TRIM45: variants seen among roughly 807,000 people sequenced by gnomAD.
The protein encoded by TRIM45 is tripartite motif containing 45, also known as E3 ubiquitin-protein ligase TRIM45.
A neutral mutation model predicts 46.7 loss-of-function variants in TRIM45; 45 were observed. That is an observed-to-expected ratio of 0.96 (90% CI 0.76 to 1.24). TRIM45 has a LOEUF of 1.24. Among genes scored for constraint, TRIM45 ranks in the 50% most tolerant of loss-of-function variants. TRIM45 has a pLI of 0.00. For missense variants in TRIM45, 680 were observed against 728.4 expected, an observed-to-expected ratio of 0.93 and a Z score of 0.77; for synonymous variants, 259 against 285.8, an observed-to-expected ratio of 0.91 and a Z score of 0.94.
chr1:117,116,592 G>T lies in TRIM45; in HGVS notation c.1352+24C>A. On this transcript the variant is annotated intron_variant, in intron 3 of 5. Coordinates refer to ENST00000256649, the MANE Select transcript of TRIM45 (RefSeq NM_025188.4). This position sits in a 1 kb window ranked among gnomAD's most constrained non-coding sequence, Gnocchi z 4.6. ...AGTTTTCTCACTGCCTGTTATCCAT[G>T]ACACCTAATTGTGTCATACAAACCT... 2 of 1,611,324 alleles carry T rather than the reference G, an allele frequency of 1.2e-6. No individual in the cohort carries two copies. The highest frequency in any genetic ancestry group is 2.2e-5 in the South Asian group (2 of 90,884).
rs1021217975 is a variant in TRIM45, at chr1:117,113,422, A to G, written c.1531T>C (p.Cys511Arg). 3.1e-6 allele frequency: 5 copies of G among 1,612,452 alleles called. No homozygotes were observed. Among genetic ancestry groups the G allele is most frequent in the East Asian group, 2.2e-5 (1 of 44,900 alleles). Residue 511 changes from cysteine (C) to arginine (R), a missense_variant, in exon 5 of 6, where the codon TGC becomes CGC. Coordinates refer to ENST00000256649, the MANE Select transcript of TRIM45 (RefSeq NM_025188.4). The surrounding 1 kb of genome is among the most constrained non-coding windows in gnomAD (Gnocchi z 4.0). ...TGGCCCCCGCTGGAGCAGAAGGTGC[A>G]GCAGTGAAACACGCCTGAGTGTGGG... is the stretch of plus-strand genomic sequence containing the variant. Reference protein sequence around the residue: ...HRPHSGVFHCCTFCSSGGQKT... With the variant: ...HRPHSGVFHCRTFCSSGGQKT...
Position 117,117,940 on chromosome 1 carries a change from T to C in TRIM45, c.1222+94A>G. The C allele has an allele frequency of 6.7e-7, 1 of 1,484,546 alleles. No homozygotes were observed. The highest frequency in any genetic ancestry group is 1.3e-5 in the South Asian group (1 of 76,540). 92.0% of individuals were successfully genotyped at this position (1,484,546 alleles called of 1,614,324 possible). On this transcript the variant is annotated intron_variant, in intron 2 of 5. Coordinates refer to ENST00000256649, the MANE Select transcript of TRIM45 (RefSeq NM_025188.4). This position sits in a 1 kb window ranked among gnomAD's most constrained non-coding sequence, Gnocchi z 4.9. ...TCCCCACCTTTGGTAACCTGGTCAG[T>C]AGGGCATGCTTCCTAGCAGAACAAG... is the stretch of plus-strand genomic sequence containing the variant.
rs1337558219 is a variant in TRIM45, at chr1:117,118,551, C to T, written c.705G>A (p.Gly235=). ...DFTSNVIHKH[G]DSVWELLKGT... ...CTTTGAGGAGCTCCCACACAGAGTC[C>T]CCATGCTTGTGGATGACATTGCTGG... Residue 235 remains glycine (G), a synonymous_variant, in exon 2 of 6, where the codon GGG becomes GGA. Transcript: ENST00000256649. This position sits in a 1 kb window ranked among gnomAD's most constrained non-coding sequence, Gnocchi z 5.7. 6.2e-7 allele frequency: 1 copy of T among 1,614,196 alleles called. No homozygotes were observed. Among genetic ancestry groups the T allele is most frequent in the Admixed American group, 1.7e-5 (1 of 60,028 alleles).
Position 117,120,905 on chromosome 1 carries a change from A to G in TRIM45, c.297T>C (p.Ala99=), listed in dbSNP as rs777530579. 6.2e-7 allele frequency: 1 copy of G among 1,614,200 alleles called. No individual in the cohort carries two copies. The highest frequency in any genetic ancestry group is 8.5e-7 in the Non-Finnish European group (1 of 1,180,028). Residue 99 remains alanine (A), a synonymous_variant, in exon 1 of 6, where the codon GCT becomes GCC. Transcript: ENST00000256649. ...QIGILCPVCD[A]QVDLPMGGVK... is the part of the protein sequence containing the mutation. ...CTCCACCCATGGGCAGGTCCACCTG[A>G]GCATCACATACAGGACAAAGGATGC...
chr1:117,121,117 A>G lies in TRIM45; in HGVS notation c.85T>C (p.Cys29Arg), dbSNP rs137953739. ...TALGNSGKTH[C>R]PLCLGLFKAP... ...TTGAAAAGCCCCAAGCACAGGGGGC[A>G]GTGAGTCTTGCCTGAGTTCCCAAGT... Residue 29 changes from cysteine (C) to arginine (R), a missense_variant, in exon 1 of 6, where the codon TGC becomes CGC. By Grantham distance (180) the Cys-to-Arg change is radical (BLOSUM62 -3). Transcript: ENST00000256649. The surrounding 1 kb of genome is among the most constrained non-coding windows in gnomAD (Gnocchi z 4.2). 138 of 1,612,872 alleles carry G rather than the reference A, an allele frequency of 8.6e-5. No individual in the cohort carries two copies. The highest frequency in any genetic ancestry group is 1.1e-4 in the Non-Finnish European group (132 of 1,179,458).
Position 117,119,609 on chromosome 1 carries a change from G to GA in TRIM45, c.489-843dup, listed in dbSNP as rs200320074. Among the ~76,000 whole-genome samples, 825 of 132,756 alleles carry GA rather than the reference G, an allele frequency of 6.2e-3. 3 individuals carry two copies. Among genetic ancestry groups the GA allele is most frequent in the African/African-American group, 0.016 (590 of 36,070 alleles). The allele number at this position is 132,756 out of a possible 152,430, so 87.1% of individuals were successfully genotyped here. A position where few individuals can be genotyped will look rare whatever the true frequency, so the allele number is the denominator to read the frequency against. On this transcript the variant is annotated intron_variant, in intron 1 of 5. Coordinates refer to ENST00000256649, the MANE Select transcript of TRIM45 (RefSeq NM_025188.4). ...GCGACTAGAGCCAGACTCCATCTCAGAAAAAAAAAAAAAGAGAAAAGAAAG... is the reference window on the plus strand; with the variant it reads ...GCGACTAGAGCCAGACTCCATCTCAGAAAAAAAAAAAAAAGAGAAAAGAAAG...
chr1:117,120,756 G>A lies in TRIM45; in HGVS notation c.446C>T (p.Thr149Ile), dbSNP rs2101357315. 1 of 1,613,546 alleles carries A rather than the reference G, an allele frequency of 6.2e-7. No individual in the cohort carries two copies. Among genetic ancestry groups the A allele is most frequent in the Non-Finnish European group, 8.5e-7 (1 of 1,179,660 alleles). ...GAAGTGGCAGAGGTTGGCTTTGCAG[G>A]TCTGACACCTCTTCTCTACTTCCCT... ...NDREVEKRCQ[T>I]CKANLCHFCC... The change falls in exon 1 of 6, where the codon ACC (threonine) becomes ATC (isoleucine). Residue 149 changes from threonine to isoleucine, a missense_variant. This residue lies in a region of TRIM45 where 349 missense variants were observed against 343.6 expected (regional missense o/e 1.02). Coordinates refer to ENST00000256649, the MANE Select transcript of TRIM45 (RefSeq NM_025188.4).
rs756999092 is a variant in TRIM45 at position 117,117,987 on chromosome 1, C to A, written c.1222+47G>T. 1 of 1,578,930 alleles carries A rather than the reference C, an allele frequency of 6.3e-7. No homozygotes were observed. The highest frequency in any genetic ancestry group is 1.2e-5 in the South Asian group (1 of 83,216). On this transcript the variant is annotated intron_variant, in intron 2 of 5. Coordinates refer to ENST00000256649, the MANE Select transcript of TRIM45 (RefSeq NM_025188.4). The surrounding 1 kb of genome is among the most constrained non-coding windows in gnomAD (Gnocchi z 4.9). ...CAAGCCACCAATCTTCACACACCACCTCCCTGTCCACTGCCCTCTCAATGT... is the reference window on the plus strand; with the variant it reads ...CAAGCCACCAATCTTCACACACCACATCCCTGTCCACTGCCCTCTCAATGT...
At chr1:117,120,576 T>C in intron 1 of TRIM45, 138 bp downstream of exon 1, 1 of 1,242,416 alleles carries the variant, frequency 8.0e-7, no homozygotes, top group Non-Finnish European at 1.1e-6. Flanking sequence ...GTATTTGCTA[T>C]TGCATTGTTA....
rs1650383399 is a variant in TRIM45 at position 117,115,992 on chromosome 1, A to G, written c.1353-303T>C. 2.0e-5 allele frequency among the ~76,000 whole-genome samples: 3 copies of G among 152,180 alleles called. 1 individual carries two copies. In the East Asian group the frequency reaches 5.8e-4, roughly 29 times the overall value. ...CCATTCTACAATTCCAGAGAAATAT[A>G]AACATGCTCCAGGCATAATTTAGTA... On this transcript the variant is annotated intron_variant, in intron 3 of 5. Transcript: ENST00000256649. This position sits in a 1 kb window ranked among gnomAD's most constrained non-coding sequence, Gnocchi z 4.2.
upstream of TRIM45, among the ~76,000 whole-genome samples, chr1:117,123,264 T>C (rs1428079805): frequency 6.6e-6 from 1 of 152,208 alleles, no homozygotes; most frequent in Non-Finnish European, 1.5e-5. Flanking sequence ...GCCTCTCCAG[T>C]AGGCTGGAGG....
rs761229398 is a variant in TRIM45, at chr1:117,112,258, T to A, written c.*47A>T. The A allele has an allele frequency of 6.8e-7, 1 of 1,467,340 alleles. No homozygotes were observed. Among genetic ancestry groups the A allele is most frequent in the Non-Finnish European group, 9.0e-7 (1 of 1,105,432 alleles). 90.9% of individuals were successfully genotyped at this position (1,467,340 alleles called of 1,614,324 possible). On this transcript the variant is annotated 3_prime_UTR_variant, in exon 6 of 6. Transcript: ENST00000256649. ...AACGAAGGTCTGGGTCCTCTGGAAA[T>A]CTCAAGTGGTGCTGCCTGCAGCTTT...
In TRIM45 at chr1:117,118,274, C is replaced by T. The variant is rs1650479845; in HGVS notation, c.982G>A (p.Val328Met). 4 of 1,614,222 alleles carry T rather than the reference C, an allele frequency of 2.5e-6. No homozygotes were observed. Among genetic ancestry groups the T allele is most frequent in the Non-Finnish European group, 3.4e-6 (4 of 1,180,040 alleles). The change falls in exon 2 of 6, where the codon GTG becomes ATG. Residue 328 changes from valine (V) to methionine (M), a missense_variant. Coordinates refer to ENST00000256649, the MANE Select transcript of TRIM45 (RefSeq NM_025188.4). This position sits in a 1 kb window ranked among gnomAD's most constrained non-coding sequence, Gnocchi z 5.7. ...EQLLADMRTG[V>M]EFTEHLLTSG... ...GTCAGCAAGTGCTCGGTGAACTCCA[C>T]TCCAGTCCGCATGTCTGCCAGTAAC...
upstream of TRIM45, among the ~76,000 whole-genome samples, chr1:117,123,299 G>C (rs1201110379): frequency 6.6e-6 from 1 of 152,086 alleles, no homozygotes; most frequent in African/African-American, 2.4e-5. Flanking sequence ...GTGTGGACTT[G>C]GGTTTGCTAT....
chr1:117,118,161 A>G lies in TRIM45; in HGVS notation c.1095T>C (p.Arg365=). Reference sequence around the variant, plus strand: ...AGCGTATCTTATCATTTACTCCAGGACGGGTGCTATATTGAACTTTGTTCA... The same window carrying G: ...AGCGTATCTTATCATTTACTCCAGGGCGGGTGCTATATTGAACTTTGTTCA... The part of the protein sequence containing the change: ...RKLNKVQYST[R]PGVNDKIRFC... Residue 365 remains arginine (R), a synonymous_variant, in exon 2 of 6, where the codon CGT becomes CGC. Coordinates refer to ENST00000256649, the MANE Select transcript of TRIM45 (RefSeq NM_025188.4). This position sits in a 1 kb window ranked among gnomAD's most constrained non-coding sequence, Gnocchi z 5.7. 2 of 1,614,146 alleles carry G rather than the reference A, an allele frequency of 1.2e-6. No individual in the cohort carries two copies. The highest frequency in any genetic ancestry group is 1.7e-6 in the Non-Finnish European group (2 of 1,180,024).
rs201084331 is a variant in TRIM45 at position 117,118,711 on chromosome 1, T to G, written c.545A>C (p.Tyr182Ser). 1.2e-6 allele frequency: 2 copies of G among 1,613,574 alleles called. No homozygotes were observed. The highest frequency in any genetic ancestry group is 2.7e-5 in the African/African-American group (2 of 74,944). Reference protein sequence around the residue: ...TMVDLKDLKGYSRIGKPILCP... With the variant: ...TMVDLKDLKGSSRIGKPILCP... ...CAGGATGGGCTTCCCAATCCGGCTG[T>G]AGCCTTTCAAGTCTTTTAGGTCCAC... is the stretch of plus-strand genomic sequence containing the variant. Residue 182 changes from tyrosine to serine, a missense_variant, in exon 2 of 6, where the codon TAC (tyrosine) becomes TCC (serine). Tyr to Ser is a moderately radical substitution (Grantham distance 144). Around this residue, in one of 3 missense-constraint regions of TRIM45, gnomAD observed 349 missense variants for 343.6 expected, o/e 1.02. Transcript: ENST00000256649. This position sits in a 1 kb window ranked among gnomAD's most constrained non-coding sequence, Gnocchi z 5.7.
upstream of TRIM45, among the ~76,000 whole-genome samples, chr1:117,123,712 C>A (rs1031717384): frequency 3.9e-4 from 60 of 151,992 alleles, no homozygotes; most frequent in Non-Finnish European, 1.5e-5. Flanking sequence ...ACACTGCAAC[C>A]TCCACCTCCA....
chr1:117,122,008 G>C, upstream of TRIM45: 1 of 557,420 alleles, frequency 1.8e-6, no homozygotes, highest in South Asian at 2.2e-5. Context: ...GCATAGTGTA[G>C]TCAGCGTCAC....
At position 117,120,960 on chromosome 1, in the gene TRIM45, AG is replaced by A; in HGVS notation, c.241del (p.Leu81SerfsTer28). ...CTGCGACTGCAGACTTCGTGGCTTG[AG>A]TTCCTGGAATATTGACCCCTCAGAG... ...TSSEGSIFQE[L>X]KPRSLQSQIG... On this transcript the variant is annotated frameshift_variant, in exon 1 of 6. Transcript: ENST00000256649. LOFTEE classifies it high-confidence loss of function. 6.2e-7 allele frequency: 1 copy of A among 1,614,170 alleles called. No homozygotes were observed. The highest frequency in any genetic ancestry group is 1.3e-5 in the African/African-American group (1 of 75,048).
Sources: gnomAD v4.1 joint callset for allele counts (sites outside exome capture counted in the v4.1 genomes callset) on GRCh38, gnomAD v4.1.1 for gene constraint, gnomAD v4.1.1 regional missense constraint, Gnocchi (gnomAD v3.1) non-coding constraint, MANE v1.5 for transcripts, NCBI Gene and HGNC (gene_info 2026-07-23, HGNC 2026-07-21) for gene names.